Variants in MYCBP2 observed in about 807,000 individuals in gnomAD.
MYCBP2 encodes MYC binding protein 2.
MYCBP2 carries 120 observed loss-of-function variants against 525.3 expected under a neutral mutation model. The observed-to-expected ratio is 0.23, with a 90% CI of 0.20 to 0.27. The LOEUF is 0.27. MYCBP2 is among the 10% of genes least tolerant of loss of function. The pLI, the probability that MYCBP2 is intolerant of heterozygous loss-of-function variation, is 1.00. For missense variants in MYCBP2, 4,149 were observed against 5,657.1 expected, an observed-to-expected ratio of 0.73 and a Z score of 8.55; for synonymous variants, 1,894 against 1,955.8, an observed-to-expected ratio of 0.97 and a Z score of 0.83.
At chr13:77,082,597 C>A (rs2043488125) in intron 63 of MYCBP2, among the ~76,000 whole-genome samples, 1 of 152,150 alleles carries the variant, frequency 6.6e-6, no homozygotes, top group South Asian at 2.1e-4. Flanking sequence ...AAATTGGAAT[C>A]TGTTGAGCAT....
chr13:77,088,559 T>C (rs191997873), intron 61 of MYCBP2, among the ~76,000 whole-genome samples: 4 of 152,194 alleles, frequency 2.6e-5, no homozygotes, highest in South Asian at 2.1e-4. Flanking sequence ...ATTCTGAGTA[T>C]AAAAAGCTTT....
At chr13:77,325,019 C>T (rs1006173098) in intron 1 of MYCBP2, among the ~76,000 whole-genome samples, 35 of 152,208 alleles carry the variant, frequency 2.3e-4, no homozygotes, top group Admixed American at 6.5e-5. Context: ...TTCTGGCCTT[C>T]AGTTCAGATA....
At chr13:77,094,608 G>A (rs538329668) in intron 58 of MYCBP2, among the ~76,000 whole-genome samples, 30 of 152,104 alleles carry the variant, frequency 2.0e-4, no homozygotes, top group Non-Finnish European at 3.2e-4. Context: ...TTAACAACCC[G>A]TGATTCCTGA....
chr13:77,235,258 T>G (rs2067738294), intron 17 of MYCBP2, among the ~76,000 whole-genome samples: 1 of 152,054 alleles, frequency 6.6e-6, no homozygotes, highest in Admixed American at 6.6e-5. Flanking sequence ...CTATACACAT[T>G]ATGTCCTGAA....
At chr13:77,124,551 C>G (rs1183095791) in intron 54 of MYCBP2, among the ~76,000 whole-genome samples, 1 of 152,028 alleles carries the variant, frequency 6.6e-6, no homozygotes, top group East Asian at 1.9e-4. Context: ...TCATGAGCAA[C>G]TAGTATGTGT....
chr13:77,168,140 C>T (rs976632085), intron 40 of MYCBP2, among the ~76,000 whole-genome samples: 2 of 152,116 alleles, frequency 1.3e-5, no homozygotes, highest in Admixed American at 1.3e-4. Flanking sequence ...ATATCTACTA[C>T]TATTGCAAAT....
Position 77,045,329 on chromosome 13 carries a change from TG to T in MYCBP2, c.*48del. 7.6e-7 allele frequency: 1 copy of T among 1,319,172 alleles called. No homozygotes were observed. Among genetic ancestry groups the T allele is most frequent in the Non-Finnish European group, 1.1e-6 (1 of 915,666 alleles). 81.7% of individuals were successfully genotyped at this position (1,319,172 alleles called of 1,614,324 possible). On this transcript the variant is annotated 3_prime_UTR_variant, in exon 83 of 83. Transcript: ENST00000544440. ...GAGTTTAAACTTCACCGCATCCTCT[TG>T]GGGGATGAAGGCAATTTTTCTCTCT...
intron 26 of MYCBP2, among the ~76,000 whole-genome samples, chr13:77,203,744 T>C (rs969102595): frequency 2.0e-5 from 3 of 152,058 alleles, no homozygotes; most frequent in African/African-American, 4.8e-5. Flanking sequence ...TAATGCCACA[T>C]ATCTACAACT....
At position 77,058,179 on chromosome 13, in the gene MYCBP2, A is replaced by T; in HGVS notation, c.13329+39T>A. ...TTTGACAAATATATTCCCCATCTTAATGTCTGGATACATTCAATACTTTAA... is the reference window on the plus strand; with the variant it reads ...TTTGACAAATATATTCCCCATCTTATTGTCTGGATACATTCAATACTTTAA... On this transcript the variant is annotated intron_variant, in intron 78 of 82. Transcript: ENST00000544440. This position sits in a 1 kb window ranked among gnomAD's most constrained non-coding sequence, Gnocchi z 4.1. 1.3e-6 allele frequency: 2 copies of T among 1,590,342 alleles called. No individual in the cohort carries two copies. The highest frequency in any genetic ancestry group is 1.7e-6 in the Non-Finnish European group (2 of 1,164,426).
chr13:77,245,744 A>AACACACACACACACAC (rs71102727), intron 15 of MYCBP2, among the ~76,000 whole-genome samples: 1 of 143,078 alleles, frequency 7.0e-6, no homozygotes, highest in African/African-American at 2.6e-5. Context: ...AACGTAAAGT[A>AACACACACACACACAC]ACACACACAC....
intron 8 of MYCBP2, among the ~76,000 whole-genome samples, chr13:77,265,924 A>G (rs551271960): frequency 1.3e-5 from 2 of 152,348 alleles, no homozygotes; most frequent in Admixed American, 6.5e-5. Flanking sequence ...ATATGGGACT[A>G]TCTTCCTGAA....
intron 13 of MYCBP2, 84 bp downstream of exon 13, chr13:77,260,344 C>T: frequency 1.1e-6 from 1 of 926,732 alleles, no homozygotes; most frequent in Admixed American, 3.6e-5. Flanking sequence ...ATGCCACCAA[C>T]ATAAATTTTC....
chr13:77,279,599 C>T (rs1349719180), intron 3 of MYCBP2, among the ~76,000 whole-genome samples: 1 of 152,042 alleles, frequency 6.6e-6, no homozygotes, highest in East Asian at 1.9e-4. Context: ...GGAGAAGTAA[C>T]AGAAAAATTG....
At chr13:77,262,326 T>G (rs1318833183) in intron 10 of MYCBP2, among the ~76,000 whole-genome samples, 197 bp from the exon 11 acceptor site, 2 of 152,084 alleles carry the variant, frequency 1.3e-5, no homozygotes, top group Non-Finnish European at 2.9e-5. Flanking sequence ...TATCATAATC[T>G]GTTTCTCTTG....
chr13:77,325,702 A>C (rs1594936612), intron 1 of MYCBP2, among the ~76,000 whole-genome samples: 1 of 152,322 alleles, frequency 6.6e-6, no homozygotes, highest in African/African-American at 2.4e-5. Flanking sequence ...TAAAGCCTGT[A>C]AGTAACAGAG....
chr13:77,097,232 T>C (rs34193418), intron 56 of MYCBP2, 138 bp downstream of exon 56: 82 of 1,207,938 alleles, frequency 6.8e-5, no homozygotes, highest in Non-Finnish European at 8.8e-5. Context: ...CCTGTACTGA[T>C]AATGTACTTT....
intron 15 of MYCBP2, among the ~76,000 whole-genome samples, chr13:77,249,941 T>G (rs1443730668): frequency 1.3e-5 from 2 of 151,930 alleles, no homozygotes; most frequent in East Asian, 3.9e-4. Flanking sequence ...TAAAAGTTCA[T>G]GGCCGGGCGC....
intron 52 of MYCBP2, among the ~76,000 whole-genome samples, chr13:77,128,325 C>G (rs1048147928): frequency 1.3e-5 from 2 of 151,814 alleles, no homozygotes; most frequent in Non-Finnish European, 3.0e-5. Context: ...ACAACTGATT[C>G]TTAAAAATTA....
intron 54 of MYCBP2, among the ~76,000 whole-genome samples, chr13:77,123,376 G>T (rs984882417): frequency 6.6e-6 from 1 of 152,104 alleles, no homozygotes; most frequent in African/African-American, 2.4e-5. Context: ...TTTCTTAAAT[G>T]ATACTCTAAT....
Sources: gnomAD v4.1 joint callset for allele counts (sites outside exome capture counted in the v4.1 genomes callset) on GRCh38, gnomAD v4.1.1 for gene constraint, Gnocchi (gnomAD v3.1) non-coding constraint, MANE v1.5 for transcripts, NCBI Gene and HGNC (gene_info 2026-07-23, HGNC 2026-07-21) for gene names.